SOS2: variants seen among roughly 807,000 people sequenced by gnomAD.
SOS2 encodes the protein son of sevenless homolog 2.
SOS2 carries 65 observed loss-of-function variants against 148.2 expected under a neutral mutation model. The observed-to-expected ratio is 0.44, with a 90% CI of 0.36 to 0.54. The LOEUF is 0.54. Among genes scored for constraint, SOS2 ranks in the 20% least tolerant of loss-of-function variants. The probability of loss-of-function intolerance (pLI) is 0.00; values close to 1 mark genes in which losing one functional copy is unlikely to be tolerated. For missense variants in SOS2, 1,341 were observed against 1,590.2 expected (o/e 0.84, Z 2.67); for synonymous variants, 539 against 537.1 (o/e 1.00, Z -0.05).
At chr14:50,165,623 C>T (rs1339644354) in intron 8 of SOS2, among the ~76,000 whole-genome samples, 1 of 152,144 alleles carries the variant, frequency 6.6e-6, no homozygotes, top group African/African-American at 2.4e-5. Context: ...ATTTTCTTCA[C>T]TAAATTGTAA....
chr14:50,221,196 AT>A (rs754042023), intron 1 of SOS2, among the ~76,000 whole-genome samples: 7 of 151,852 alleles, frequency 4.6e-5, no homozygotes, highest in East Asian at 1.9e-4. Flanking sequence ...GACAACAAAG[AT>A]TTTTTTTTCT....
chr14:50,188,562 A>T lies in SOS2; in HGVS notation c.649T>A (p.Leu217Ile). 1.2e-6 allele frequency: 2 copies of T among 1,605,798 alleles called. No homozygotes were observed. The highest frequency in any genetic ancestry group is 1.7e-6 in the Non-Finnish European group (2 of 1,177,924). The change falls in exon 5 of 23, where the codon TTA (leucine) becomes ATA (isoleucine). Residue 217 changes from leucine (L) to isoleucine (I), a missense_variant. Physicochemically the swap from Leu to Ile is conservative, Grantham distance 5. Coordinates refer to ENST00000216373, the MANE Select transcript of SOS2 (RefSeq NM_006939.4). ...CGAAACACTTTTATGATCATATTTAATTCCCGTAGATACTGTCTTTCTTCT... is the reference window on the plus strand; with the variant it reads ...CGAAACACTTTTATGATCATATTTATTTCCCGTAGATACTGTCTTTCTTCT... ...IAEERQYLRELNMIIKVFREA... is the reference protein window; with the variant it reads ...IAEERQYLREINMIIKVFREA...
intron 14 of SOS2, 59 bp from the exon 15 acceptor site, chr14:50,145,655 C>T: frequency 2.0e-5 from 22 of 1,110,070 alleles, no homozygotes; most frequent in Non-Finnish European, 2.8e-5. Context: ...ACTTAAAGAT[C>T]TTCTAAAACT....
At position 50,197,745 on chromosome 14, in the gene SOS2, G is replaced by C. The variant is rs1392690725; in HGVS notation, c.510+1946C>G. 4.8e-5 allele frequency among the ~76,000 whole-genome samples: 7 copies of C among 145,308 alleles called. No homozygotes were observed. In the Admixed American group the frequency reaches 5.1e-4, roughly 11 times the overall value. Reference sequence around the variant, plus strand: ...GCTTTGTCACCCAGGCTGCAATGCAGTGGTGCAATCTCAACTCAGTGCAAA... The same window carrying C: ...GCTTTGTCACCCAGGCTGCAATGCACTGGTGCAATCTCAACTCAGTGCAAA... On this transcript the variant is annotated intron_variant, in intron 4 of 22. Transcript: ENST00000216373.
At chr14:50,148,075 T>C (rs572697491) in intron 14 of SOS2, among the ~76,000 whole-genome samples, 1 of 152,316 alleles carries the variant, frequency 6.6e-6, no homozygotes, top group Admixed American at 6.5e-5. Flanking sequence ...GCTAACAGTT[T>C]CTGAAATGTT....
At chr14:50,203,670 A>C (rs1258771001) in intron 2 of SOS2, among the ~76,000 whole-genome samples, 1 of 152,196 alleles carries the variant, frequency 6.6e-6, no homozygotes, top group East Asian at 1.9e-4. Context: ...AATTTACACT[A>C]ATCTTTTATT....
chr14:50,179,163 TA>T (rs1245351722), intron 7 of SOS2, among the ~76,000 whole-genome samples: 1 of 152,192 alleles, frequency 6.6e-6, no homozygotes, highest in Non-Finnish European at 1.5e-5. Flanking sequence ...ATATCCTGAT[TA>T]AAACATACAT....
intron 21 of SOS2, among the ~76,000 whole-genome samples, chr14:50,122,391 C>CTTTGTTTTTTTTTTTTTTTTTTTTCTT (rs1883542324): frequency 1.1e-5 from 1 of 88,308 alleles, no homozygotes; most frequent in African/African-American, 4.8e-5. Flanking sequence ...GAACCCTGGG[C>CTTTGTTTTTTTTTTTTTTTTTTTTCTT]TTTTTTTTTT....
chr14:50,215,575 A>G, intron 1 of SOS2: 1 of 811,122 alleles, frequency 1.2e-6, no homozygotes, highest in Non-Finnish European at 1.6e-6. Flanking sequence ...TATTTTAGTT[A>G]CACCATATTT....
chr14:50,200,931 CTAA>C lies in SOS2; in HGVS notation c.345+19_345+21del. The C allele has an allele frequency of 6.2e-7, 1 of 1,610,080 alleles. No individual in the cohort carries two copies. Among genetic ancestry groups the C allele is most frequent in the Non-Finnish European group, 8.5e-7 (1 of 1,176,872 alleles). ...ACTTGTTATAAAGAACACCCCCCAA[CTAA>C]TGTTTAATCTTTTGTTACCTTCAAC... On this transcript the variant is annotated intron_variant, in intron 3 of 22. Transcript: ENST00000216373.
At chr14:50,208,764 C>A (rs1886761288) in intron 1 of SOS2, among the ~76,000 whole-genome samples, 1 of 152,236 alleles carries the variant, frequency 6.6e-6, no homozygotes, top group South Asian at 2.1e-4. Flanking sequence ...ATTATCATTT[C>A]TATTCCACAT....
chr14:50,119,684 C>T lies in SOS2; in HGVS notation c.3489+591G>A, dbSNP rs147461472. On this transcript the variant is annotated intron_variant, in intron 22 of 22. Transcript: ENST00000216373. ...TTGAGTAGCTGGGATTACAGGTGCC[C>T]GCCACCATGCCCGGCTAATTTTTGT... Among the ~76,000 whole-genome samples, 1,013 of 151,820 alleles carry T rather than the reference C, an allele frequency of 6.7e-3. 12 individuals are homozygous for T. The highest frequency in any genetic ancestry group is 0.023 in the African/African-American group (945 of 41,402).
chr14:50,120,576 T>C (rs1004121035), intron 21 of SOS2, among the ~76,000 whole-genome samples, 192 bp from the exon 22 acceptor site: 4 of 152,142 alleles, frequency 2.6e-5, no homozygotes, highest in African/African-American at 9.7e-5. Context: ...GCACCAACCA[T>C]AGTGCCTGGG....
chr14:50,125,849 C>A (rs1883663838), intron 21 of SOS2, among the ~76,000 whole-genome samples: 2 of 152,186 alleles, frequency 1.3e-5, no homozygotes, highest in South Asian at 4.1e-4. Context: ...AAAATCTAAA[C>A]CCCAGACTTG....
At chr14:50,228,427 A>T (rs529073287) in intron 1 of SOS2, among the ~76,000 whole-genome samples, 1 of 152,174 alleles carries the variant, frequency 6.6e-6, no homozygotes, top group Non-Finnish European at 1.5e-5. Context: ...CTAATTCTGT[A>T]TGTAACCCAA....
chr14:50,159,376 A>C, intron 10 of SOS2, 55 bp downstream of exon 10: 1 of 1,204,004 alleles, frequency 8.3e-7, no homozygotes. Flanking sequence ...GAGCATCCTT[A>C]AAAAGCTTTT....
intron 1 of SOS2, among the ~76,000 whole-genome samples, chr14:50,205,156 C>T (rs2139799216): frequency 6.6e-6 from 1 of 152,090 alleles, no homozygotes; most frequent in Non-Finnish European, 1.5e-5. Flanking sequence ...GTCAAGCAAC[C>T]CTCCCACCTC....
intron 8 of SOS2, among the ~76,000 whole-genome samples, chr14:50,167,618 C>T (rs1885208763): frequency 6.6e-6 from 1 of 152,000 alleles, no homozygotes; most frequent in Non-Finnish European, 1.5e-5. Flanking sequence ...CCTGTAATCC[C>T]AGCACTTTGG....
At chr14:50,167,012 A>G (rs1244524534) in intron 8 of SOS2, among the ~76,000 whole-genome samples, 2 of 152,146 alleles carry the variant, frequency 1.3e-5, no homozygotes, top group African/African-American at 4.8e-5. Flanking sequence ...GTTTGAGATC[A>G]GCTTGGGCAA....
Sources: allele counts gnomAD v4.1 joint callset (sites outside exome capture counted in the v4.1 genomes callset), GRCh38; gene constraint gnomAD v4.1.1; transcripts MANE v1.5; gene names NCBI Gene and HGNC (gene_info 2026-07-23, HGNC 2026-07-21).